KAZN: variants seen among roughly 807,000 people sequenced by gnomAD.
KAZN encodes kazrin.
A neutral mutation model predicts 87.4 loss-of-function variants in KAZN; 40 were observed. The observed-to-expected ratio is 0.46, with a 90% CI of 0.36 to 0.60. KAZN has a LOEUF of 0.60. Ranked by LOEUF, KAZN falls within the 20% of genes least tolerant of loss-of-function variation. The pLI is 0.00. For missense variants in KAZN, 898 were observed against 1,073.9 expected, an observed-to-expected ratio of 0.84 and a Z score of 2.29; for synonymous variants, 466 against 458.3, an observed-to-expected ratio of 1.02 and a Z score of -0.22.
chr1:14,751,038 G>C (rs1470254953), intron 1 of KAZN, among the ~76,000 whole-genome samples: 1 of 152,220 alleles, frequency 6.6e-6, no homozygotes, highest in African/African-American at 2.4e-5. Context: ...ACATGACCTA[G>C]ACTCTGGGCC....
At chr1:14,159,757 C>A (rs1247413311) in intron 1 of KAZN, among the ~76,000 whole-genome samples, 1 of 152,192 alleles carries the variant, frequency 6.6e-6, no homozygotes, top group African/African-American at 2.4e-5. Flanking sequence ...GACCCAAGGT[C>A]CTTGATGTAG....
chr1:13,958,843 T>C (rs1162074430), intron 1 of KAZN, among the ~76,000 whole-genome samples: 4 of 151,908 alleles, frequency 2.6e-5, no homozygotes, highest in African/African-American at 9.7e-5. Flanking sequence ...TGGAAGTGAA[T>C]TGGAGGCAGA....
intron 1 of KAZN, among the ~76,000 whole-genome samples, chr1:14,945,510 G>A (rs562027028): frequency 5.9e-5 from 9 of 152,244 alleles, no homozygotes; most frequent in Admixed American, 2.6e-4. Flanking sequence ...AGCAGTCTCC[G>A]CACTGGCGGC....
intron 2 of KAZN, among the ~76,000 whole-genome samples, chr1:14,235,372 G>C (rs1648311447): frequency 6.6e-6 from 1 of 152,138 alleles, no homozygotes; most frequent in Non-Finnish European, 1.5e-5. Flanking sequence ...ATAAAGCCAC[G>C]TATTATATGA....
chr1:14,278,473 A>T (rs1337290581), intron 2 of KAZN, among the ~76,000 whole-genome samples: 1 of 151,938 alleles, frequency 6.6e-6, no homozygotes, highest in African/African-American at 2.4e-5. Flanking sequence ...TATTTTTAAT[A>T]GAGACGGGGT....
At chr1:14,680,167 C>A (rs1349817394) in intron 1 of KAZN, among the ~76,000 whole-genome samples, 1 of 152,156 alleles carries the variant, frequency 6.6e-6, no homozygotes, top group East Asian at 1.9e-4. Context: ...GTATGATTCA[C>A]ATACAGTGAA....
At chr1:14,814,291 A>G (rs1258960440) in intron 1 of KAZN, among the ~76,000 whole-genome samples, 1 of 152,172 alleles carries the variant, frequency 6.6e-6, no homozygotes, top group Non-Finnish European at 1.5e-5. Flanking sequence ...CAGTGGCACC[A>G]TATCAGCTCC....
chr1:15,028,497 A>G (rs1327568187), intron 2 of KAZN, among the ~76,000 whole-genome samples: 1 of 152,256 alleles, frequency 6.6e-6, no homozygotes, highest in East Asian at 1.9e-4. Context: ...AGAAAAAAGC[A>G]GAGCTATGAG....
chr1:14,738,563 G>A (rs1643984670), intron 1 of KAZN, among the ~76,000 whole-genome samples: 2 of 152,124 alleles, frequency 1.3e-5, no homozygotes, highest in South Asian at 4.1e-4. Flanking sequence ...GGCTTCTCCT[G>A]GCTTTCTGAC....
chr1:14,339,028 G>A (rs1768660), intron 2 of KAZN, among the ~76,000 whole-genome samples: 18 of 150,076 alleles, frequency 1.2e-4, no homozygotes, highest in African/African-American at 3.5e-4. Context: ...TCTGAAAAAA[G>A]AAAAAAAGAA....
At chr1:14,436,382 AG>A (rs1026649399) in intron 2 of KAZN, among the ~76,000 whole-genome samples, 1 of 152,040 alleles carries the variant, frequency 6.6e-6, no homozygotes, top group African/African-American at 2.4e-5. Context: ...GTGGTGGAGG[AG>A]GAAGTGGCAG....
intron 2 of KAZN, among the ~76,000 whole-genome samples, chr1:14,474,790 G>A (rs553289689): frequency 8.5e-5 from 13 of 152,274 alleles, no homozygotes; most frequent in Non-Finnish European, 1.6e-4. Flanking sequence ...TGGTGGGTTC[G>A]TCTAGGTTTT....
At chr1:14,305,012 A>T (rs1041514201) in intron 2 of KAZN, among the ~76,000 whole-genome samples, 16 of 152,012 alleles carry the variant, frequency 1.1e-4, no homozygotes, top group Non-Finnish European at 2.1e-4. Context: ...TTCTCATTTT[A>T]AAAAATTAAT....
At chr1:14,828,470 C>T (rs1424285628) in intron 1 of KAZN, among the ~76,000 whole-genome samples, 1 of 152,128 alleles carries the variant, frequency 6.6e-6, no homozygotes, top group Admixed American at 6.6e-5. Context: ...TTAGATCCTT[C>T]CTGGCCTAAG....
At position 14,000,805 on chromosome 1, in the gene KAZN, C is replaced by T. The variant is rs189521306; in HGVS notation, c.91+107049C>T. ...TGATTTTTTTTGTTTGTTTTTGAGA[C>T]GGAGTCTCGCTCTGTCGCCCAGGCT... is the stretch of plus-strand genomic sequence containing the variant. On this transcript the variant is annotated intron_variant, in intron 1 of 16. Coordinates refer to the KAZN transcript ENST00000636203. Among the ~76,000 whole-genome samples the T allele has an allele frequency of 3.6e-3, 547 of 149,898 alleles. 3 individuals carry two copies. Among genetic ancestry groups the T allele is most frequent in the Non-Finnish European group, 4.4e-3 (299 of 67,394 alleles).
rs1417961301 is a variant in KAZN at position 15,116,353 on chromosome 1, C to T, written c.*1718C>T. On this transcript the variant is annotated 3_prime_UTR_variant, in exon 15 of 15. Coordinates refer to ENST00000376030, the MANE Select transcript of KAZN (RefSeq NM_201628.3). ...CTTGAGAATTACACCTCTCTCATGC[C>T]GAAGACCGTGGTGTTCCCCCTAATG... 1 of 152,142 alleles carries T rather than the reference C, an allele frequency of 6.6e-6. No individual in the cohort carries two copies. Among genetic ancestry groups the T allele is most frequent in the Non-Finnish European group, 1.5e-5 (1 of 68,024 alleles). 9.4% of individuals were successfully genotyped at this position (152,142 alleles called of 1,614,324 possible).
intron 1 of KAZN, among the ~76,000 whole-genome samples, chr1:14,116,046 G>A (rs1032169448): frequency 1.3e-5 from 2 of 152,142 alleles, no homozygotes; most frequent in African/African-American, 4.8e-5. Context: ...CTTGAGTGCT[G>A]TTAAAGGCAT....
chr1:14,814,439 C>T (rs1455064405), intron 1 of KAZN, among the ~76,000 whole-genome samples: 1 of 152,180 alleles, frequency 6.6e-6, no homozygotes, highest in Admixed American at 6.5e-5. Context: ...TGGTCTCAAA[C>T]CCCTGAGCTC....
intron 2 of KAZN, among the ~76,000 whole-genome samples, chr1:14,443,982 CA>C (rs199652436): frequency 0.015 from 2,336 of 152,220 alleles, 28 homozygotes; most frequent in South Asian, 0.035. Flanking sequence ...ACTTAGAAGA[CA>C]GGTAAATTGA....
Sources: allele counts gnomAD v4.1 joint callset (sites outside exome capture counted in the v4.1 genomes callset), GRCh38; gene constraint gnomAD v4.1.1; transcripts MANE v1.5; gene names NCBI Gene and HGNC (gene_info 2026-07-23, HGNC 2026-07-21).